PAX8: variants seen among roughly 807,000 people sequenced by gnomAD.
PAX8 encodes paired box 8, also known as paired box protein Pax-8.
A neutral mutation model predicts 52.4 loss-of-function variants in PAX8; 15 were observed. The observed-to-expected ratio is 0.29, with a 90% confidence interval of 0.19 to 0.44. PAX8 has a LOEUF of 0.44. PAX8 is among the 20% of genes least tolerant of loss of function. The pLI, the probability that PAX8 is intolerant of heterozygous loss-of-function variation, is 1.00. For missense variants in PAX8, 554 were observed against 602.5 expected, an observed-to-expected ratio of 0.92 and a Z score of 0.84; for synonymous variants, 284 against 249.7, an observed-to-expected ratio of 1.14 and a Z score of -1.29.
Position 113,245,385 on chromosome 2 carries a change from C to T in PAX8, c.192-761G>A, listed in dbSNP as rs192128149. ...TTCTTTGGCCACCTAGAAAGCTAGC[C>T]GAGGTCACTGGACCCTCTGCTCTGT... On this transcript the variant is annotated intron_variant, in intron 3 of 11. Coordinates refer to ENST00000429538, the MANE Select transcript of PAX8 (RefSeq NM_003466.4). 4.2e-3 allele frequency among the ~76,000 whole-genome samples: 642 copies of T among 152,264 alleles called. 6 individuals carry two copies. The highest frequency in any genetic ancestry group is 3.5e-3 in the Non-Finnish European group (237 of 68,024).
At chr2:113,261,272 T>C (rs1558746202) in intron 2 of PAX8, among the ~76,000 whole-genome samples, 1 of 152,120 alleles carries the variant, frequency 6.6e-6, no homozygotes, top group Non-Finnish European at 1.5e-5. Context: ...GCCTCAGTTT[T>C]TTCATCTGGC....
In PAX8 at chr2:113,235,599, GACA is replaced by G. The variant is rs780139078; in HGVS notation, c.899-20_899-18del. On this transcript the variant is annotated intron_variant, in intron 8 of 11. Transcript: ENST00000429538. ...AGTGAGGATCTGCCGGAGGGAGGGA[GACA>G]ACAAGGAGAGAGGGGTGTGAGATGG... is the stretch of plus-strand genomic sequence containing the variant. 7 of 1,596,576 alleles carry G rather than the reference GACA, an allele frequency of 4.4e-6. No homozygotes were observed. In the South Asian group the frequency reaches 5.6e-5, roughly 13 times the overall value.
chr2:113,272,374 G>A (rs1288548610), intron 2 of PAX8: 1 of 152,160 alleles, frequency 6.6e-6, no homozygotes, highest in Non-Finnish European at 1.5e-5. Flanking sequence ...TTTCTATCTG[G>A]CCAACGAAGG....
intron 2 of PAX8, among the ~76,000 whole-genome samples, chr2:113,261,070 C>A (rs973139342): frequency 6.6e-6 from 1 of 152,154 alleles, no homozygotes; most frequent in African/African-American, 2.4e-5. Flanking sequence ...TGTTTCCACA[C>A]CTGTCGATAG....
At chr2:113,277,482 G>A (rs1241022611) in intron 2 of PAX8, among the ~76,000 whole-genome samples, 2 of 152,166 alleles carry the variant, frequency 1.3e-5, no homozygotes, top group African/African-American at 2.4e-5. Flanking sequence ...CTCTCACTTC[G>A]CCGGCCCAAA....
intron 2 of PAX8, among the ~76,000 whole-genome samples, chr2:113,247,683 C>A (rs1033285073): frequency 5.3e-5 from 8 of 152,226 alleles, no homozygotes. Context: ...CTGACTTGGC[C>A]TCTGCTCTCT....
intron 2 of PAX8, among the ~76,000 whole-genome samples, chr2:113,263,686 C>A (rs999058923): frequency 2.0e-5 from 3 of 152,092 alleles, no homozygotes; most frequent in Admixed American, 6.5e-5. Context: ...TGGGAGATCT[C>A]TGGGAGGAGG....
intron 9 of PAX8, among the ~76,000 whole-genome samples, chr2:113,234,635 C>T (rs1359175390): frequency 6.6e-6 from 1 of 152,216 alleles, no homozygotes; most frequent in African/African-American, 2.4e-5. Context: ...ATTCTCCTGC[C>T]TCGGCCTCCC....
chr2:113,259,499 G>C (rs925294004), intron 2 of PAX8: 2 of 152,732 alleles, frequency 1.3e-5, no homozygotes, highest in Non-Finnish European at 2.9e-5. Context: ...CCATGCAGGC[G>C]TGCTTTGCAG....
chr2:113,276,698 C>A (rs1019668284), intron 2 of PAX8: 6 of 150,182 alleles, frequency 4.0e-5, no homozygotes, highest in Non-Finnish European at 8.9e-5. Context: ...ACGGGGACAT[C>A]GTCTCATTTC....
intron 2 of PAX8, among the ~76,000 whole-genome samples, chr2:113,264,468 G>A (rs1011407009): frequency 1.3e-5 from 2 of 152,346 alleles, no homozygotes; most frequent in South Asian, 2.1e-4. Flanking sequence ...AAAACTTCAT[G>A]TACAAAACTC....
chr2:113,242,295 G>C (rs1447608387), intron 5 of PAX8, among the ~76,000 whole-genome samples, 165 bp from the exon 6 acceptor site: 2 of 152,020 alleles, frequency 1.3e-5, no homozygotes, highest in Non-Finnish European at 2.9e-5. Context: ...ACTCTGGGGG[G>C]ACTGCGGTGG....
chr2:113,273,315 C>T (rs1693589250), intron 2 of PAX8: 1 of 152,252 alleles, frequency 6.6e-6, no homozygotes, highest in Non-Finnish European at 1.5e-5. Context: ...TCTGGCTTAG[C>T]TAGCTGTGCC....
chr2:113,241,754 T>C (rs1198411851), intron 6 of PAX8, 28 bp from the exon 7 acceptor site: 1 of 1,611,248 alleles, frequency 6.2e-7, no homozygotes, highest in East Asian at 2.2e-5. Context: ...GGAAGAAAGC[T>C]TTTAGGGGAC....
rs1415262962 is a variant in PAX8 at position 113,235,371 on chromosome 2, G to A, written c.1087+23C>T. ...TCCCACCCGCCGCCATAGCTGCATGGCCCCGGGACCTCCCTGTCGTACCTG... is the reference window on the plus strand; with the variant it reads ...TCCCACCCGCCGCCATAGCTGCATGACCCCGGGACCTCCCTGTCGTACCTG... On this transcript the variant is annotated intron_variant, in intron 9 of 11. Transcript: ENST00000429538. 6.5e-6 allele frequency: 10 copies of A among 1,549,210 alleles called. No homozygotes were observed. In the Middle Eastern group the frequency reaches 8.1e-4, roughly 125 times the overall value.
At chr2:113,257,993 A>C (rs1438298327) in intron 2 of PAX8, among the ~76,000 whole-genome samples, 2 of 152,214 alleles carry the variant, frequency 1.3e-5, no homozygotes, top group African/African-American at 4.8e-5. Context: ...GAGAGCTCTC[A>C]GATGCCATAG....
At chr2:113,235,062 A>G (rs1690161640) in intron 9 of PAX8, among the ~76,000 whole-genome samples, 1 of 152,184 alleles carries the variant, frequency 6.6e-6, no homozygotes, top group Admixed American at 6.5e-5. Flanking sequence ...TTTTCCCTCC[A>G]AAATGTTCAT....
Position 113,241,587 on chromosome 2 carries a change from C to G in PAX8, c.741G>C (p.Glu247Asp). The change falls in exon 7 of 12, where the codon GAG becomes GAC. Residue 247 changes from glutamate to aspartate, a missense_variant. Glu to Asp is a conservative substitution (Grantham distance 45). Transcript: ENST00000429538. The stretch of plus-strand genomic sequence containing the variant: ...TGGTGTGGCTGGGGGAGGCATAGGC[C>G]TCTGGGTAGTGCTGCCGCTCAAATG... ...ECPFERQHYP[E>D]AYASPSHTKG... 6.2e-7 allele frequency: 1 copy of G among 1,611,846 alleles called. No individual in the cohort carries two copies. Among genetic ancestry groups the G allele is most frequent in the Non-Finnish European group, 8.5e-7 (1 of 1,179,588 alleles).
intron 9 of PAX8, among the ~76,000 whole-genome samples, chr2:113,228,620 G>A (rs1408176490): frequency 3.9e-5 from 6 of 152,180 alleles, no homozygotes; most frequent in Admixed American, 2.6e-4. Flanking sequence ...GGGCAAAATC[G>A]CTGCTGGCTA....
Sources: gnomAD v4.1 joint callset for allele counts (sites outside exome capture counted in the v4.1 genomes callset) on GRCh38, gnomAD v4.1.1 for gene constraint, MANE v1.5 for transcripts, NCBI Gene and HGNC (gene_info 2026-07-23, HGNC 2026-07-21) for gene names.